Variants in PSG9 observed in about 807,000 individuals in gnomAD.
The protein encoded by PSG9 is pregnancy specific beta-1-glycoprotein 9, also known as pregnancy-specific beta-1-glycoprotein 9.
In PSG9, 49 loss-of-function variants were observed where a neutral mutation model predicts 41.9. The ratio of observed to expected loss-of-function variants is 1.17; its 90% CI spans 0.93 to 1.48. The LOEUF (loss-of-function observed/expected upper bound fraction) is 1.48. Ranked by LOEUF, PSG9 falls within the 40% of genes most tolerant of loss-of-function variation. PSG9 has a pLI of 0.00. For synonymous variants in PSG9, 263 were observed against 196.8 expected (o/e 1.34, Z -2.82); for missense variants, 641 against 520.3 (o/e 1.23, Z -2.26).
rs192531134 is a variant in PSG9, at chr19:43,268,092, T to A, written c.122A>T (p.Gln41Leu). Residue 41 changes from glutamine to leucine, a missense_variant, in exon 2 of 6, where the codon CAG becomes CTG. Transcript: ENST00000270077. ...CTTCCCCTCAGAAACTTTGGGTGGC[T>A]GGGCTTCAATCGTGACTTCGGCAGT... ...PTTAEVTIEA[Q>L]PPKVSEGKDV... 1 of 1,613,444 alleles carries A rather than the reference T, an allele frequency of 6.2e-7. No individual in the cohort carries two copies. The highest frequency in any genetic ancestry group is 1.1e-5 in the South Asian group (1 of 91,030).
In PSG9 at chr19:43,258,878, G is replaced by A. The variant is rs376659233; in HGVS notation, c.967C>T (p.Pro323Ser). 258 of 1,584,776 alleles carry A rather than the reference G, an allele frequency of 1.6e-4. 13 individuals are homozygous for A. Among genetic ancestry groups the A allele is most frequent in the East Asian group, 8.0e-5 (3 of 37,434 alleles). ...TCACAGAGGACATTTAGGATGACTGGGTTACTGCGGAGGCCACCATATCGG... is the reference window on the plus strand; with the variant it reads ...TCACAGAGGACATTTAGGATGACTGAGTTACTGCGGAGGCCACCATATCGG... ...RDRYGGLRSN[P>S]VILNVLYGPD... Residue 323 changes from proline to serine, a missense_variant, in exon 4 of 6, where the codon CCA becomes TCA. Physicochemically the swap from Pro to Ser is moderately conservative, Grantham distance 74. Coordinates refer to ENST00000270077, the MANE Select transcript of PSG9 (RefSeq NM_002784.5).
chr19:43,263,614 G>C (rs555145504), intron 2 of PSG9, among the ~76,000 whole-genome samples: 10 of 152,114 alleles, frequency 6.6e-5, no homozygotes, highest in Admixed American at 2.6e-4. Flanking sequence ...AAATTTGGAG[G>C]AAACATTAAA....
Position 43,259,065 on chromosome 19 carries a change from GA to G in PSG9, c.779del (p.Phe260SerfsTer16), listed in dbSNP as rs1968583923. 6.3e-7 allele frequency: 1 copy of G among 1,590,338 alleles called. No homozygotes were observed. Among genetic ancestry groups the G allele is most frequent in the African/African-American group, 1.4e-5 (1 of 70,446 alleles). On this transcript the variant is annotated frameshift_variant, in exon 4 of 6. Coordinates refer to ENST00000270077, the MANE Select transcript of PSG9 (RefSeq NM_002784.5). LOFTEE classifies it high-confidence loss of function. Reference protein sequence around the residue: ...NPRENKDVLAFTCEPKSENYT... With the variant: ...NPRENKDVLAXTCEPKSENYT... ...AGTTCTCACTCTTAGGTTCACAGGT[GA>G]AGGCTAAGACATCCTTATTCTCCCT...
At chr19:43,264,372 C>T (rs1968866552) in intron 2 of PSG9, among the ~76,000 whole-genome samples, 1 of 152,102 alleles carries the variant, frequency 6.6e-6, no homozygotes, top group Non-Finnish European at 1.5e-5. Context: ...TTGGAAGTTT[C>T]TATTGACACA....
intron 3 of PSG9, 62 bp downstream of exon 3, chr19:43,261,798 G>A (rs1279559487): frequency 1.2e-6 from 2 of 1,613,850 alleles, no homozygotes; most frequent in Non-Finnish European, 1.7e-6. Flanking sequence ...TGAGAGGCCT[G>A]GCCTCTGGCC....
chr19:43,257,564 T>C (rs1399135716), intron 5 of PSG9: 9 of 982,556 alleles, frequency 9.2e-6, no homozygotes, highest in Non-Finnish European at 9.6e-6. Flanking sequence ...GCTCCCTCTC[T>C]TCTTATTTCC....
intron 1 of PSG9, among the ~76,000 whole-genome samples, chr19:43,268,895 A>G (rs560782086): frequency 6.6e-6 from 1 of 152,300 alleles, no homozygotes; most frequent in East Asian, 1.9e-4. Context: ...AGAACACTTA[A>G]GATTTTCCTA....
intron 2 of PSG9, among the ~76,000 whole-genome samples, chr19:43,264,743 A>T (rs565346911): frequency 3.9e-5 from 6 of 152,276 alleles, no homozygotes; most frequent in East Asian, 3.9e-4. Flanking sequence ...TGAGCCACTG[A>T]GCCCAGCCAT....
In PSG9 at chr19:43,262,138, A is replaced by C. The variant is rs1255458134; in HGVS notation, c.431T>G (p.Leu144Trp). 2 of 1,612,570 alleles carry C rather than the reference A, an allele frequency of 1.2e-6. No individual in the cohort carries two copies. Among genetic ancestry groups the C allele is most frequent in the Non-Finnish European group, 1.7e-6 (2 of 1,179,074 alleles). Reference sequence around the variant, plus strand: ...GGAGATGTAGGGCTTGGGAGTCTCCACTGTGCAGAAAACAGAGAGAAGATT... The same window carrying C: ...GGAGATGTAGGGCTTGGGAGTCTCCCCTGTGCAGAAAACAGAGAGAAGATT... ...EIRHFTFTLYLETPKPYISSS... is the reference protein window; with the variant it reads ...EIRHFTFTLYWETPKPYISSS... Residue 144 changes from leucine to tryptophan, a missense_variant and splice_region_variant, in exon 3 of 6, where the codon TTG becomes TGG. Leu to Trp is a moderately conservative substitution (Grantham distance 61). Transcript: ENST00000270077.
At chr19:43,262,898 C>T (rs185916803) in intron 2 of PSG9, among the ~76,000 whole-genome samples, 1 of 152,172 alleles carries the variant, frequency 6.6e-6, no homozygotes, top group African/African-American at 2.4e-5. Flanking sequence ...TCCCTTCCCC[C>T]TGTAGAGGGC....
intron 4 of PSG9, 48 bp from the exon 5 acceptor site, chr19:43,258,504 G>T: frequency 6.6e-7 from 1 of 1,523,224 alleles, no homozygotes; most frequent in African/African-American, 1.5e-5. Flanking sequence ...CGAGGGAAGG[G>T]GATGTTCCTG....
chr19:43,264,338 T>C (rs2122545120), intron 2 of PSG9, among the ~76,000 whole-genome samples: 3 of 152,306 alleles, frequency 2.0e-5, no homozygotes, highest in East Asian at 3.9e-4. Flanking sequence ...TTCCCCACTT[T>C]TTTTGAACTT....
rs141485171 is a variant in PSG9, at chr19:43,262,683, G to A, written c.431-545C>T. On this transcript the variant is annotated intron_variant, in intron 2 of 5. Coordinates refer to ENST00000270077, the MANE Select transcript of PSG9 (RefSeq NM_002784.5). ...ACACAGGGGAGACCAGAGTCAAGCCGGGAGGTCAGTTAAGACATCAGGCAG... is the reference window on the plus strand; with the variant it reads ...ACACAGGGGAGACCAGAGTCAAGCCAGGAGGTCAGTTAAGACATCAGGCAG... Among the ~76,000 whole-genome samples the A allele has an allele frequency of 2.7e-3, 407 of 152,242 alleles. 4 individuals are homozygous for A. Among genetic ancestry groups the A allele is most frequent in the African/African-American group, 9.2e-3 (383 of 41,556 alleles).
chr19:43,268,237 C>A (rs4803592), intron 1 of PSG9, 88 bp from the exon 2 acceptor site: 15 of 1,455,052 alleles, frequency 1.0e-5, no homozygotes, highest in East Asian at 6.8e-5. Flanking sequence ...AGGTCTCTTC[C>A]ATCCTCAGCC....
At chr19:43,263,312 G>C (rs1278906097) in intron 2 of PSG9, among the ~76,000 whole-genome samples, 4 of 152,106 alleles carry the variant, frequency 2.6e-5, no homozygotes, top group Admixed American at 6.5e-5. Flanking sequence ...TCCTTATTCA[G>C]AAAGCTTAAA....
chr19:43,268,578 A>G (rs2122137742), intron 1 of PSG9, among the ~76,000 whole-genome samples: 1 of 152,046 alleles, frequency 6.6e-6, no homozygotes, highest in African/African-American at 2.4e-5. Context: ...TCAACACCTG[A>G]TCTCACATTC....
chr19:43,253,526 T>C lies in PSG9; in HGVS notation c.*83A>G. The C allele has an allele frequency of 1.7e-5, 10 of 602,558 alleles. 1 individual carries two copies. The highest frequency in any genetic ancestry group is 1.3e-4 in the South Asian group (6 of 46,612). 37.3% of individuals were successfully genotyped at this position (602,558 alleles called of 1,614,324 possible). On this transcript the variant is annotated 3_prime_UTR_variant, in exon 6 of 6. Coordinates refer to ENST00000270077, the MANE Select transcript of PSG9 (RefSeq NM_002784.5). ...TTATCCTTTTGATTATTTAGTCCAATAACATTGAGTTTTTTTCTTCTTTGT... is the reference window on the plus strand; with the variant it reads ...TTATCCTTTTGATTATTTAGTCCAACAACATTGAGTTTTTTTCTTCTTTGT...
chr19:43,263,708 A>G (rs1968835719), intron 2 of PSG9, among the ~76,000 whole-genome samples: 1 of 152,088 alleles, frequency 6.6e-6, no homozygotes. Flanking sequence ...TGAGACCAAA[A>G]TAAGGTTTAG....
intron 2 of PSG9, among the ~76,000 whole-genome samples, chr19:43,263,516 A>G (rs1476271801): frequency 6.6e-6 from 1 of 151,992 alleles, no homozygotes; most frequent in Admixed American, 6.5e-5. Flanking sequence ...TGGGATGCTC[A>G]ATTTGTTATA....
Sources: gnomAD v4.1 joint callset for allele counts (sites outside exome capture counted in the v4.1 genomes callset) on GRCh38, gnomAD v4.1.1 for gene constraint, MANE v1.5 for transcripts, NCBI Gene and HGNC (gene_info 2026-07-23, HGNC 2026-07-21) for gene names.